The following NR3C2 variants were observed in gnomAD, a reference collection of about 807,000 sequenced individuals.
The protein encoded by NR3C2 is mineralocorticoid receptor.
In NR3C2, 15 loss-of-function variants were observed where a neutral mutation model predicts 86.4. That is an observed-to-expected ratio of 0.17 (90% CI 0.12 to 0.27). The LOEUF (loss-of-function observed/expected upper bound fraction) is 0.27. Among genes scored for constraint, NR3C2 ranks in the 10% least tolerant of loss-of-function variants. The pLI, the probability that NR3C2 is intolerant of heterozygous loss-of-function variation, is 1.00. For synonymous variants in NR3C2, 458 were observed against 450.5 expected (o/e 1.02, Z -0.21); for missense variants, 960 against 1,195.6 (o/e 0.80, Z 2.91).
chr4:148,332,885 G>A (rs1744299158), intron 2 of NR3C2, among the ~76,000 whole-genome samples: 1 of 152,102 alleles, frequency 6.6e-6, no homozygotes, highest in Non-Finnish European at 1.5e-5. Flanking sequence ...TTCGACATAA[G>A]GCTATACATA....
rs143540943 is a variant in NR3C2, at chr4:148,219,614, T to C, written c.1898-24752A>G. On this transcript the variant is annotated intron_variant, in intron 3 of 8. Coordinates refer to ENST00000358102, the MANE Select transcript of NR3C2 (RefSeq NM_000901.5). ...TGTTCACAATTATCTGAAAAGGCTC[T>C]TAAAATACTCCTCTCTTTTGCAGCT... Among the ~76,000 whole-genome samples, 491 of 152,344 alleles carry C rather than the reference T, an allele frequency of 3.2e-3. 3 individuals carry two copies. Among genetic ancestry groups the C allele is most frequent in the Admixed American group, 5.2e-3 (80 of 15,294 alleles).
At chr4:148,096,893 G>A (rs576994622) in intron 8 of NR3C2, among the ~76,000 whole-genome samples, 56 of 152,276 alleles carry the variant, frequency 3.7e-4, no homozygotes, top group African/African-American at 1.3e-3. Context: ...ACAGAAGTTC[G>A]CTGACCCATG....
intron 3 of NR3C2, among the ~76,000 whole-genome samples, chr4:148,203,931 C>T (rs1224704355): frequency 6.6e-6 from 1 of 152,100 alleles, no homozygotes; most frequent in Non-Finnish European, 1.5e-5. Flanking sequence ...CCTTGAAGCA[C>T]AAATCTTTTG....
intron 2 of NR3C2, among the ~76,000 whole-genome samples, chr4:148,352,178 C>T (rs911586038): frequency 1.3e-5 from 2 of 152,082 alleles, no homozygotes; most frequent in African/African-American, 4.8e-5. Flanking sequence ...ACCCACTTTC[C>T]AGCAATGAAA....
intron 3 of NR3C2, among the ~76,000 whole-genome samples, chr4:148,241,052 T>A (rs889054000): frequency 5.3e-5 from 8 of 152,140 alleles, no homozygotes; most frequent in African/African-American, 1.9e-4. Context: ...ACGCCTGTAA[T>A]CCCAACGCTT....
intron 8 of NR3C2, among the ~76,000 whole-genome samples, chr4:148,084,584 G>A (rs549017853): frequency 1.6e-4 from 25 of 152,228 alleles, no homozygotes; most frequent in African/African-American, 5.1e-4. Flanking sequence ...AAAGACCATC[G>A]ATGCTATGAA....
chr4:148,193,020 T>C (rs775392252), intron 4 of NR3C2, among the ~76,000 whole-genome samples: 36 of 152,232 alleles, frequency 2.4e-4, no homozygotes, highest in Non-Finnish European at 8.8e-5. Context: ...TTCAAATTGT[T>C]ACAAAGTTCA....
At chr4:148,345,776 T>C (rs1159911310) in intron 2 of NR3C2, among the ~76,000 whole-genome samples, 1 of 152,010 alleles carries the variant, frequency 6.6e-6, no homozygotes, top group African/African-American at 2.4e-5. Context: ...CTCATCCTTC[T>C]AAATATTCAC....
intron 3 of NR3C2, among the ~76,000 whole-genome samples, chr4:148,235,443 T>C (rs1447394519): frequency 6.6e-6 from 1 of 152,054 alleles, no homozygotes; most frequent in Non-Finnish European, 1.5e-5. Flanking sequence ...TATCTTCTTT[T>C]GTGTGTTTGT....
At chr4:148,345,751 G>A (rs995196993) in intron 2 of NR3C2, among the ~76,000 whole-genome samples, 1 of 151,902 alleles carries the variant, frequency 6.6e-6, no homozygotes, top group African/African-American at 2.4e-5. Context: ...TGTTCTTTCT[G>A]GGTGTCTTCA....
chr4:148,416,123 GA>G (rs1341453380), intron 2 of NR3C2, among the ~76,000 whole-genome samples: 1 of 151,882 alleles, frequency 6.6e-6, no homozygotes, highest in Admixed American at 6.6e-5. Context: ...ATCATAATAA[GA>G]AAAAAATAAG....
At chr4:148,350,158 T>C (rs1230193304) in intron 2 of NR3C2, among the ~76,000 whole-genome samples, 1 of 152,170 alleles carries the variant, frequency 6.6e-6, no homozygotes, top group Non-Finnish European at 1.5e-5. Context: ...ATTTTATAGA[T>C]GAGAATATTG....
At chr4:148,377,666 G>A (rs910397304) in intron 2 of NR3C2, among the ~76,000 whole-genome samples, 2 of 152,188 alleles carry the variant, frequency 1.3e-5, no homozygotes, top group Non-Finnish European at 2.9e-5. Context: ...TTTGTAAAGA[G>A]TAGATAAACT....
chr4:148,435,744 G>A lies in NR3C2; in HGVS notation c.1117C>T (p.Pro373Ser), dbSNP rs770286981. 8.1e-6 allele frequency: 13 copies of A among 1,614,016 alleles called. No homozygotes were observed. The South Asian group carries it at 1.2e-4, about 15-fold the overall frequency. ...TCTACTTCCTCAGTCTTAGGAAAAG[G>A]GACCTCTTGAGCACCTTTCTCCTGC... ...DTQEKGAQEV[P>S]FPKTEEVESA... The change falls in exon 2 of 9, where the codon CCT becomes TCT. Residue 373 changes from proline to serine, a missense_variant. Physicochemically the swap from Pro to Ser is moderately conservative, Grantham distance 74. Coordinates refer to ENST00000358102, the MANE Select transcript of NR3C2 (RefSeq NM_000901.5).
At chr4:148,384,739 G>C (rs1219808479) in intron 2 of NR3C2, among the ~76,000 whole-genome samples, 2 of 152,100 alleles carry the variant, frequency 1.3e-5, no homozygotes, top group Admixed American at 6.5e-5. Flanking sequence ...ATGGAAAAAA[G>C]TGAATTAAGT....
intron 3 of NR3C2, among the ~76,000 whole-genome samples, chr4:148,242,429 T>C (rs1345250559): frequency 1.3e-5 from 2 of 152,176 alleles, no homozygotes; most frequent in East Asian, 1.9e-4. Flanking sequence ...ATGCAATAAA[T>C]GTAGGAATAT....
intron 3 of NR3C2, among the ~76,000 whole-genome samples, chr4:148,201,639 C>A (rs544319562): frequency 6.2e-5 from 9 of 146,154 alleles, no homozygotes; most frequent in Admixed American, 1.3e-4. Context: ...ATCTCCTCTG[C>A]CTGCCAACCC....
At chr4:148,184,595 CTAT>C (rs1735802939) in intron 4 of NR3C2, among the ~76,000 whole-genome samples, 1 of 151,914 alleles carries the variant, frequency 6.6e-6, no homozygotes, top group African/African-American at 2.4e-5. Context: ...GTAATATATG[CTAT>C]TATTTGTAAA....
chr4:148,430,067 C>CA (rs1269153130), intron 2 of NR3C2, among the ~76,000 whole-genome samples: 1 of 152,030 alleles, frequency 6.6e-6, no homozygotes, highest in African/African-American at 2.4e-5. Context: ...TGTAACATTC[C>CA]AAGGACAGAA....
Sources: allele counts gnomAD v4.1 joint callset (sites outside exome capture counted in the v4.1 genomes callset), GRCh38; gene constraint gnomAD v4.1.1; transcripts MANE v1.5; gene names NCBI Gene and HGNC (gene_info 2026-07-23, HGNC 2026-07-21).